Variants in FNDC3A observed in about 807,000 individuals in gnomAD.
FNDC3A encodes fibronectin type III domain containing 3A, also known as fibronectin type-III domain-containing protein 3A.
In FNDC3A, 32 loss-of-function variants were observed where a neutral mutation model predicts 148.9. The observed-to-expected ratio is 0.21, with a 90% CI of 0.16 to 0.29. The LOEUF (loss-of-function observed/expected upper bound fraction) is 0.29. Among genes scored for constraint, FNDC3A ranks in the 10% least tolerant of loss-of-function variants. The pLI is 1.00. For missense variants in FNDC3A, 1,191 were observed against 1,452.8 expected, an observed-to-expected ratio of 0.82 and a Z score of 2.93; for synonymous variants, 472 against 473.6, an observed-to-expected ratio of 1.00 and a Z score of 0.04.
At chr13:49,174,837 T>C (rs927433552) in intron 12 of FNDC3A, among the ~76,000 whole-genome samples, 3 of 152,176 alleles carry the variant, frequency 2.0e-5, no homozygotes, top group Admixed American at 2.0e-4. Flanking sequence ...CCTCAGCATA[T>C]GTGATGACAG....
At chr13:48,995,006 A>G (rs1241776398) in intron 1 of FNDC3A, among the ~76,000 whole-genome samples, 1 of 152,198 alleles carries the variant, frequency 6.6e-6, no homozygotes, top group Non-Finnish European at 1.5e-5. Context: ...TAACTCTTAC[A>G]TCATGATCTG....
In FNDC3A at chr13:49,197,889, T is replaced by C; in HGVS notation, c.2490+15T>C. ...GCAGGGTCCAGGTAAAGATGATCAG[T>C]ACCTTGTCACTTAACTCTATCCAGA... On this transcript the variant is annotated intron_variant, in intron 21 of 25. Coordinates refer to ENST00000492622, the MANE Select transcript of FNDC3A (RefSeq NM_001079673.2). The C allele has an allele frequency of 6.3e-7, 1 of 1,594,392 alleles. No homozygotes were observed. The highest frequency in any genetic ancestry group is 1.4e-5 in the African/African-American group (1 of 73,442).
At chr13:48,992,855 T>C (rs1257874193) in intron 1 of FNDC3A, among the ~76,000 whole-genome samples, 1 of 152,090 alleles carries the variant, frequency 6.6e-6, no homozygotes, top group Admixed American at 6.6e-5. Flanking sequence ...AAACCACAAT[T>C]ACTTTTGCAC....
Position 49,073,416 on chromosome 13 carries a change from C to T in FNDC3A, c.100-1873C>T, listed in dbSNP as rs188968733. Among the ~76,000 whole-genome samples the T allele has an allele frequency of 2.2e-3, 330 of 151,906 alleles. 1 individual carries two copies. Among genetic ancestry groups the T allele is most frequent in the African/African-American group, 7.6e-3 (315 of 41,480 alleles). On this transcript the variant is annotated intron_variant, in intron 2 of 25. Transcript: ENST00000492622. ...AATTAAAACAATAGTACAGGTTGGG[C>T]ATCCCTAATCTGACAAACCGAAATG...
At chr13:48,980,576 T>A (rs897079508) in intron 1 of FNDC3A, among the ~76,000 whole-genome samples, 2 of 152,202 alleles carry the variant, frequency 1.3e-5, no homozygotes, top group Non-Finnish European at 2.9e-5. Flanking sequence ...AAGATTTTTT[T>A]AAGATAAGTT....
intron 2 of FNDC3A, among the ~76,000 whole-genome samples, chr13:49,048,528 T>A (rs1465833315): frequency 6.6e-6 from 1 of 152,166 alleles, no homozygotes; most frequent in Non-Finnish European, 1.5e-5. Flanking sequence ...TGTAGACGTC[T>A]TTCACCTCCT....
At chr13:49,116,619 C>G (rs1880978802) in intron 4 of FNDC3A, among the ~76,000 whole-genome samples, 1 of 152,076 alleles carries the variant, frequency 6.6e-6, no homozygotes, top group Non-Finnish European at 1.5e-5. Flanking sequence ...AACCCTGTCT[C>G]TACAAAAAAT....
At chr13:49,140,400 A>G (rs1040535932) in intron 7 of FNDC3A, among the ~76,000 whole-genome samples, 3 of 152,186 alleles carry the variant, frequency 2.0e-5, no homozygotes, top group Admixed American at 1.3e-4. Flanking sequence ...CAATTCAAAG[A>G]CTTTCTTACT....
intron 2 of FNDC3A, among the ~76,000 whole-genome samples, chr13:49,030,976 C>G (rs1293993016): frequency 6.6e-6 from 1 of 152,158 alleles, no homozygotes; most frequent in African/African-American, 2.4e-5. Context: ...CAGCTTACTT[C>G]TTTGTAGCTA....
At chr13:49,193,789 G>A (rs1043441559) in intron 19 of FNDC3A, among the ~76,000 whole-genome samples, 2 of 151,890 alleles carry the variant, frequency 1.3e-5, no homozygotes, top group East Asian at 3.9e-4. Context: ...GCATAGTGGC[G>A]TGTGCCTGTA....
intron 2 of FNDC3A, chr13:49,045,614 G>T: frequency 1.8e-6 from 1 of 554,168 alleles, no homozygotes; most frequent in South Asian, 3.2e-5. Context: ...CAACAAAGGT[G>T]AGTCTAGTTC....
chr13:49,114,354 A>G (rs1880780838), intron 3 of FNDC3A, among the ~76,000 whole-genome samples: 1 of 151,762 alleles, frequency 6.6e-6, no homozygotes, highest in African/African-American at 2.4e-5. Context: ...TCAAGACCCC[A>G]TTGACTAAGA....
chr13:49,079,818 T>G (rs1376339837), intron 3 of FNDC3A, among the ~76,000 whole-genome samples: 1 of 152,180 alleles, frequency 6.6e-6, no homozygotes, highest in African/African-American at 2.4e-5. Context: ...TCCACATTTA[T>G]TTGTCTTCTA....
At chr13:49,071,109 A>G (rs1593548172) in intron 2 of FNDC3A, among the ~76,000 whole-genome samples, 1 of 115,824 alleles carries the variant, frequency 8.6e-6, no homozygotes, top group Non-Finnish European at 1.6e-5. Context: ...TCTGTTGCCC[A>G]GGTTGGCCTT....
chr13:49,181,720 TAGAG>T (rs926396040), intron 14 of FNDC3A, among the ~76,000 whole-genome samples: 2 of 151,862 alleles, frequency 1.3e-5, no homozygotes, highest in African/African-American at 4.8e-5. Context: ...CTTAATATTT[TAGAG>T]AGATCTTAGA....
chr13:49,100,165 C>T (rs1184345667), intron 3 of FNDC3A, among the ~76,000 whole-genome samples: 1 of 152,060 alleles, frequency 6.6e-6, no homozygotes. Flanking sequence ...TTTAAATGCT[C>T]TTTAATGTAC....
intron 2 of FNDC3A, among the ~76,000 whole-genome samples, chr13:49,038,473 G>A (rs1874672083): frequency 6.6e-6 from 1 of 151,638 alleles, no homozygotes; most frequent in African/African-American, 2.4e-5. Flanking sequence ...GACACGGGGA[G>A]AAGATGCCAT....
intron 3 of FNDC3A, among the ~76,000 whole-genome samples, 196 bp downstream of exon 3, chr13:49,075,560 G>T (rs1293918428): frequency 6.6e-6 from 1 of 152,110 alleles, no homozygotes. Flanking sequence ...TCCTGATTAT[G>T]TTGATTATTC....
rs1886238311 is a variant in FNDC3A, at chr13:49,198,004, G to C, written c.2513G>C (p.Gly838Ala). 4 of 1,613,990 alleles carry C rather than the reference G, an allele frequency of 2.5e-6. No individual in the cohort carries two copies. Among genetic ancestry groups the C allele is most frequent in the Middle Eastern group, 3.3e-4 (2 of 6,060 alleles). ...RVQALSVVGA[G>A]PFSEVVACVT... is the part of the protein sequence containing the mutation. ...TAGGCTCTGAGTGTTGTGGGTGCAG[G>C]CCCTTTCAGTGAAGTAGTAGCCTGT... The change falls in exon 22 of 26, where the codon GGC becomes GCC. Residue 838 changes from glycine (G) to alanine (A), a missense_variant. Gly to Ala is a moderately conservative substitution (Grantham distance 60, BLOSUM62 0). Transcript: ENST00000492622.
Sources: gnomAD v4.1 joint callset for allele counts (sites outside exome capture counted in the v4.1 genomes callset) on GRCh38, gnomAD v4.1.1 for gene constraint, MANE v1.5 for transcripts, NCBI Gene and HGNC (gene_info 2026-07-23, HGNC 2026-07-21) for gene names.